Variants in ARIH2 observed in about 807,000 individuals in gnomAD.
ARIH2 encodes E3 ubiquitin-protein ligase ARIH2.
ARIH2 carries 12 observed loss-of-function variants against 79.8 expected under a neutral mutation model. The ratio of observed to expected loss-of-function variants is 0.15; its 90% CI spans 0.10 to 0.24. The LOEUF (loss-of-function observed/expected upper bound fraction) is 0.24, where lower values mean the gene tolerates loss of function less well. Ranked by LOEUF, ARIH2 falls within the 10% of genes least tolerant of loss-of-function variation. The pLI, the probability that ARIH2 is intolerant of heterozygous loss-of-function variation, is 1.00. For synonymous variants in ARIH2, 224 were observed against 213.9 expected (o/e 1.05, Z -0.41); for missense variants, 301 against 618.3 (o/e 0.49, Z 5.44).
At chr3:48,979,425 T>C in intron 11 of ARIH2, 57 bp from the exon 12 acceptor site, 1 of 1,576,118 alleles carries the variant, frequency 6.3e-7, no homozygotes, top group South Asian at 1.2e-5. Context: ...CCTCTGCCTA[T>C]GGAGGAAAGT....
chr3:48,975,827 T>C (rs2092467182), intron 11 of ARIH2, among the ~76,000 whole-genome samples: 3 of 152,032 alleles, frequency 2.0e-5, no homozygotes, highest in Non-Finnish European at 4.4e-5. Flanking sequence ...CCTCCCAAAG[T>C]GCTGGGATTA....
chr3:48,959,778 G>A (rs896358748), intron 3 of ARIH2, among the ~76,000 whole-genome samples: 1 of 151,766 alleles, frequency 6.6e-6, no homozygotes, highest in African/African-American at 2.4e-5. Context: ...TTGAGTCCTT[G>A]ATTTTTCTCC....
chr3:48,931,285 C>T (rs1338271259), intron 3 of ARIH2, among the ~76,000 whole-genome samples: 1 of 152,170 alleles, frequency 6.6e-6, no homozygotes, highest in Non-Finnish European at 1.5e-5. Context: ...GTGGCTCACG[C>T]CTGTAATCCC....
chr3:48,936,430 C>A (rs1010100731), intron 3 of ARIH2, among the ~76,000 whole-genome samples: 1 of 152,142 alleles, frequency 6.6e-6, no homozygotes, highest in Non-Finnish European at 1.5e-5. Context: ...AAGTTTAAAT[C>A]TTTATAAACA....
chr3:48,936,062 G>A (rs545755400), intron 3 of ARIH2, among the ~76,000 whole-genome samples: 1 of 152,300 alleles, frequency 6.6e-6, no homozygotes, highest in East Asian at 1.9e-4. Context: ...TAGCTTGTTT[G>A]TACCTGTATT....
intron 3 of ARIH2, among the ~76,000 whole-genome samples, chr3:48,928,762 GGCTAATACCTTGAATT>G (rs2085976663): frequency 6.6e-6 from 1 of 151,824 alleles, no homozygotes; most frequent in Admixed American, 6.6e-5. Flanking sequence ...GGTTGGCAAA[GGCTAATACCTTGAATT>G]TAGATACTCA....
At position 48,974,831 on chromosome 3, in the gene ARIH2, C is replaced by T; in HGVS notation, c.903C>T (p.Asn301=). ...TGTCTCCTCAGTGTCCCAAGTGCAA[C>T]ATCTGCATTGAGAAGAATGGAGGCT... ...SAHTKDCPKC[N]ICIEKNGGCN... Residue 301 remains asparagine, a synonymous_variant, in exon 10 of 16, where the codon AAC becomes AAT. Transcript: ENST00000356401. 6.2e-7 allele frequency: 1 copy of T among 1,613,642 alleles called. No homozygotes were observed. Among genetic ancestry groups the T allele is most frequent in the Non-Finnish European group, 8.5e-7 (1 of 1,180,036 alleles).
chr3:48,922,297 C>T (rs1248135639), intron 1 of ARIH2: 2 of 151,662 alleles, frequency 1.3e-5, no homozygotes, highest in Non-Finnish European at 2.9e-5. Context: ...TACCTGTTTA[C>T]TTAGATTACT....
chr3:48,974,079 C>G (rs933120253), intron 9 of ARIH2, among the ~76,000 whole-genome samples: 4 of 152,196 alleles, frequency 2.6e-5, no homozygotes, highest in South Asian at 2.1e-4. Context: ...TAGAAGAGAA[C>G]TAATTATGAT....
chr3:48,934,399 C>T (rs138984826), intron 3 of ARIH2: 74 of 973,442 alleles, frequency 7.6e-5, no homozygotes, highest in Admixed American at 2.5e-4. Context: ...TATTTACTTA[C>T]AGTCATTAAT....
chr3:48,936,660 G>A (rs1003512521), intron 3 of ARIH2, among the ~76,000 whole-genome samples: 8 of 152,096 alleles, frequency 5.3e-5, no homozygotes, highest in African/African-American at 7.2e-5. Context: ...TTGAACCTGG[G>A]AAGCGGAGGT....
rs181065894 is a variant in ARIH2 at position 48,983,036 on chromosome 3, A to T, written c.1410+57A>T. 3,812 of 1,560,390 alleles carry T rather than the reference A, an allele frequency of 2.4e-3. 36 individuals are homozygous for T. The highest frequency in any genetic ancestry group is 0.011 in the Middle Eastern group (67 of 5,960). On this transcript the variant is annotated intron_variant, in intron 15 of 15. Coordinates refer to ENST00000356401, the MANE Select transcript of ARIH2 (RefSeq NM_006321.4). ...TTGCAGGTAGAGGACTGGCATGGTA[A>T]TAGGTGACAGCGTTGTTGGCTTGTG... is the stretch of plus-strand genomic sequence containing the variant.
intron 3 of ARIH2, among the ~76,000 whole-genome samples, chr3:48,947,334 G>A (rs774459406): frequency 3.9e-5 from 6 of 152,104 alleles, no homozygotes; most frequent in South Asian, 2.1e-4. Flanking sequence ...CCAGCTACTC[G>A]GGAGGCTGAG....
chr3:48,979,385 C>CCTTT, intron 11 of ARIH2, 97 bp from the exon 12 acceptor site: 1 of 1,382,582 alleles, frequency 7.2e-7, no homozygotes, highest in South Asian at 1.4e-5. Flanking sequence ...TCAGGTGACC[C>CCTTT]CTTTGGGAGC....
intron 3 of ARIH2, among the ~76,000 whole-genome samples, chr3:48,956,118 C>T (rs1410202502): frequency 6.6e-6 from 1 of 151,830 alleles, no homozygotes; most frequent in Admixed American, 6.6e-5. Flanking sequence ...TACTATCAAC[C>T]TAATATGTGT....
In ARIH2 at chr3:48,968,739, T is replaced by G. The variant is rs1212951289; in HGVS notation, c.660+84T>G. 3 of 1,528,804 alleles carry G rather than the reference T, an allele frequency of 2.0e-6. No homozygotes were observed. The East Asian group carries it at 7.2e-5, about 37-fold the overall frequency. The allele number at this position is 1,528,804 out of a possible 1,614,324, so 94.7% of individuals were successfully genotyped here. A position where few individuals can be genotyped will look rare whatever the true frequency, so the allele number is the denominator to read the frequency against. On this transcript the variant is annotated intron_variant, in intron 7 of 15. Coordinates refer to ENST00000356401, the MANE Select transcript of ARIH2 (RefSeq NM_006321.4). The stretch of plus-strand genomic sequence containing the variant: ...CACCACAGTTACTTACTTTGTAGAC[T>G]AGGCTGACATTAAGTGATAGTGTTC...
rs77261487 is a variant in ARIH2 at position 48,979,096 on chromosome 3, A to G, written c.962-386A>G. ...GAGGGTAGGAAGCAGTAGGGAGGTCAGTTTGTACTGATGATGTGCGTTTAA... is the reference window on the plus strand; with the variant it reads ...GAGGGTAGGAAGCAGTAGGGAGGTCGGTTTGTACTGATGATGTGCGTTTAA... On this transcript the variant is annotated intron_variant, in intron 11 of 15. Coordinates refer to ENST00000356401, the MANE Select transcript of ARIH2 (RefSeq NM_006321.4). Among the ~76,000 whole-genome samples, 1,186 of 152,354 alleles carry G rather than the reference A, an allele frequency of 7.8e-3. 10 individuals are homozygous for G. Among genetic ancestry groups the G allele is most frequent in the African/African-American group, 0.028 (1,145 of 41,582 alleles).
intron 3 of ARIH2, among the ~76,000 whole-genome samples, chr3:48,959,900 A>G (rs1008347636): frequency 6.6e-6 from 1 of 152,178 alleles, no homozygotes; most frequent in Non-Finnish European, 1.5e-5. Context: ...GTCTCCTTTC[A>G]GGAGTGACTT....
intron 3 of ARIH2, among the ~76,000 whole-genome samples, chr3:48,936,897 A>G (rs1231202708): frequency 2.0e-5 from 3 of 150,790 alleles, no homozygotes; most frequent in East Asian, 2.0e-4. Flanking sequence ...GCATGGTGGC[A>G]GGCGCCTATA....
Sources: allele counts gnomAD v4.1 joint callset (sites outside exome capture counted in the v4.1 genomes callset), GRCh38; gene constraint gnomAD v4.1.1; transcripts MANE v1.5; gene names NCBI Gene and HGNC (gene_info 2026-07-23, HGNC 2026-07-21).